RERE: variants seen among roughly 807,000 people sequenced by gnomAD.
The protein encoded by RERE is arginine-glutamic acid dipeptide repeats protein.
Under a neutral mutation model 146.1 loss-of-function variants are expected in RERE, and 40 were observed. The ratio of observed to expected loss-of-function variants is 0.27; its 90% CI spans 0.21 to 0.36. RERE has a LOEUF of 0.36. Among genes scored for constraint, RERE ranks in the 10% least tolerant of loss-of-function variants. The pLI, the probability that RERE is intolerant of heterozygous loss-of-function variation, is 1.00. For synonymous variants in RERE, 1,003 were observed against 866.0 expected (o/e 1.16, Z -2.78); for missense variants, 1,933 against 2,138.7 (o/e 0.90, Z 1.90).
At chr1:8,647,420 T>A in intron 2 of RERE, among the ~76,000 whole-genome samples, 1 of 151,992 alleles carries the variant, frequency 6.6e-6, no homozygotes, top group South Asian at 2.1e-4. Flanking sequence ...ATTTGTCACA[T>A]GTCGGAAAAA....
chr1:8,452,688 A>G (rs889762690), intron 11 of RERE, among the ~76,000 whole-genome samples: 1 of 152,254 alleles, frequency 6.6e-6, no homozygotes, highest in Non-Finnish European at 1.5e-5. Context: ...CATCCAGCAG[A>G]GCCCTGCACA....
At chr1:8,734,313 T>TG (rs1640151199) in intron 1 of RERE, among the ~76,000 whole-genome samples, 1 of 152,112 alleles carries the variant, frequency 6.6e-6, no homozygotes, top group Non-Finnish European at 1.5e-5. Context: ...ATAAAGGATT[T>TG]GGGGTGGGAG....
chr1:8,358,537 T>C lies in RERE; in HGVS notation c.3998A>G (p.Glu1333Gly). Reference protein sequence around the residue: ...MKPGFEVKPPELDPLHPAANP... With the variant: ...MKPGFEVKPPGLDPLHPAANP... ...GGCGGCTGGGTGCAGGGGGTCCAGC[T>C]CTGGGGGCTTCACCTCGAAGCCCGG... The change falls in exon 20 of 23, where the codon GAG becomes GGG. Residue 1333 changes from glutamate (E) to glycine (G), a missense_variant. Coordinates refer to ENST00000400908, the MANE Select transcript of RERE (RefSeq NM_001042681.2). 6.2e-7 allele frequency: 1 copy of C among 1,602,422 alleles called. No individual in the cohort carries two copies. Among genetic ancestry groups the C allele is most frequent in the Non-Finnish European group, 8.5e-7 (1 of 1,175,194 alleles).
intron 4 of RERE, among the ~76,000 whole-genome samples, chr1:8,592,087 CCCT>C (rs1343222892): frequency 6.6e-6 from 1 of 152,140 alleles, no homozygotes; most frequent in African/African-American, 2.4e-5. Context: ...TACAGTACTT[CCCT>C]CCTCAATGAA....
At chr1:8,425,431 G>A (rs1009347377) in intron 11 of RERE, among the ~76,000 whole-genome samples, 1 of 152,206 alleles carries the variant, frequency 6.6e-6, no homozygotes, top group Admixed American at 6.5e-5. Flanking sequence ...AGGCTAGACT[G>A]CAGTGGTCTG....
At chr1:8,427,267 T>A (rs115846081) in intron 11 of RERE, among the ~76,000 whole-genome samples, 1 of 152,142 alleles carries the variant, frequency 6.6e-6, no homozygotes, top group Non-Finnish European at 1.5e-5. Context: ...AGCTGACCTC[T>A]TGCTCCATGA....
At position 8,481,439 on chromosome 1, in the gene RERE, C is replaced by T. The variant is rs114469796; in HGVS notation, c.1104+13624G>A. Reference sequence around the variant, plus strand: ...CGATTAACCAGACATTTCAAGAAGGCGCTATAAGGTACTGGCCTCAATTTA... The same window carrying T: ...CGATTAACCAGACATTTCAAGAAGGTGCTATAAGGTACTGGCCTCAATTTA... On this transcript the variant is annotated intron_variant, in intron 10 of 22. Transcript: ENST00000400908. 8.7e-3 allele frequency among the ~76,000 whole-genome samples: 1,330 copies of T among 152,140 alleles called. 20 individuals are homozygous for T. Among genetic ancestry groups the T allele is most frequent in the African/African-American group, 0.03 (1,253 of 41,502 alleles).
intron 3 of RERE, among the ~76,000 whole-genome samples, chr1:8,624,010 G>A (rs1646945953): frequency 6.6e-6 from 1 of 152,178 alleles, no homozygotes; most frequent in South Asian, 2.1e-4. Context: ...AACAATGGCT[G>A]AGAAGAAACA....
At chr1:8,453,733 G>A (rs1476632225) in intron 11 of RERE, among the ~76,000 whole-genome samples, 1 of 152,116 alleles carries the variant, frequency 6.6e-6, no homozygotes, top group East Asian at 1.9e-4. Context: ...TTGAACCCGG[G>A]AGGCAGAGGT....
chr1:8,554,013 C>T (rs1179048126), intron 6 of RERE, among the ~76,000 whole-genome samples: 1 of 151,828 alleles, frequency 6.6e-6, no homozygotes, highest in Admixed American at 6.6e-5. Context: ...CCTGTCTCTA[C>T]TAAAAATACA....
chr1:8,547,779 A>C (rs1221194432), intron 6 of RERE, among the ~76,000 whole-genome samples: 1 of 152,250 alleles, frequency 6.6e-6, no homozygotes, highest in Non-Finnish European at 1.5e-5. Flanking sequence ...AAATTGGTAC[A>C]TGCCAGCTGA....
chr1:8,723,015 T>G (rs1185317114), intron 1 of RERE, among the ~76,000 whole-genome samples: 1 of 152,256 alleles, frequency 6.6e-6, no homozygotes, highest in East Asian at 1.9e-4. Flanking sequence ...CCTCTACCTA[T>G]CAAAAACTAC....
At chr1:8,712,653 C>T (rs1639691313) in intron 1 of RERE, among the ~76,000 whole-genome samples, 1 of 152,158 alleles carries the variant, frequency 6.6e-6, no homozygotes, top group Non-Finnish European at 1.5e-5. Flanking sequence ...CATTAAAAGC[C>T]GACCTGGTTC....
chr1:8,501,279 A>C (rs1645148163), intron 8 of RERE, among the ~76,000 whole-genome samples: 2 of 101,194 alleles, frequency 2.0e-5, no homozygotes, highest in East Asian at 3.5e-4. Flanking sequence ...GGTCGCCCCT[A>C]CCGGGAAGTG....
chr1:8,785,044 C>G (rs1641235504), intron 1 of RERE, among the ~76,000 whole-genome samples: 1 of 152,164 alleles, frequency 6.6e-6, no homozygotes. Flanking sequence ...AGGTAAAATC[C>G]TATCCAAAGT....
intron 11 of RERE, among the ~76,000 whole-genome samples, chr1:8,438,558 A>G (rs1230634096): frequency 1.3e-5 from 2 of 152,188 alleles, no homozygotes; most frequent in Admixed American, 6.5e-5. Context: ...GAAAAGAGCA[A>G]TCAGCATTTT....
At chr1:8,402,293 G>C (rs1643289346) in intron 12 of RERE, among the ~76,000 whole-genome samples, 1 of 152,316 alleles carries the variant, frequency 6.6e-6, no homozygotes, top group Admixed American at 6.5e-5. Flanking sequence ...TCCCAGTCGA[G>C]CTCAGCCTCA....
At chr1:8,452,431 G>T (rs1050291909) in intron 11 of RERE, among the ~76,000 whole-genome samples, 1 of 152,342 alleles carries the variant, frequency 6.6e-6, no homozygotes, top group South Asian at 2.1e-4. Flanking sequence ...ACCAAGGTTG[G>T]TGGTAACTCC....
intron 1 of RERE, among the ~76,000 whole-genome samples, chr1:8,747,638 T>C (rs1640448191): frequency 6.6e-6 from 1 of 152,146 alleles, no homozygotes; most frequent in Admixed American, 6.5e-5. Context: ...AAAGCCCATA[T>C]GCAAACGGTG....
Sources: allele counts gnomAD v4.1 joint callset (sites outside exome capture counted in the v4.1 genomes callset), GRCh38; gene constraint gnomAD v4.1.1; transcripts MANE v1.5; gene names NCBI Gene and HGNC (gene_info 2026-07-23, HGNC 2026-07-21).